PCMTD1: variants seen among roughly 807,000 people sequenced by gnomAD.
The protein encoded by PCMTD1 is protein-L-isoaspartate (D-aspartate) O-methyltransferase domain containing 1, also known as protein-L-isoaspartate O-methyltransferase domain-containing protein 1.
A neutral mutation model predicts 37.6 loss-of-function variants in PCMTD1; 12 were observed. That is an observed-to-expected ratio of 0.32 (90% CI 0.20 to 0.52). PCMTD1 has a LOEUF of 0.52. PCMTD1 is among the 20% of genes least tolerant of loss of function. The probability of loss-of-function intolerance (pLI) is 0.97; values close to 1 mark genes in which losing one functional copy is unlikely to be tolerated. For synonymous variants in PCMTD1, 117 were observed against 135.8 expected, an observed-to-expected ratio of 0.86 and a Z score of 0.96; for missense variants, 235 against 421.3, an observed-to-expected ratio of 0.56 and a Z score of 3.87.
chr8:51,833,624 T>C lies in PCMTD1; in HGVS notation c.476A>G (p.Gln159Arg), dbSNP rs376514977. Residue 159 changes from glutamine to arginine, a missense_variant, in exon 4 of 6, where the codon CAG becomes CGG. This residue lies in a region of PCMTD1 where 183 missense variants were observed against 349.3 expected (regional missense o/e 0.52). Transcript: ENST00000522514. ...AGCTCCACAATAAATTCGATCATACTGATGACTGTCAGAAGCTATCTGGAG... is the reference window on the plus strand; with the variant it reads ...AGCTCCACAATAAATTCGATCATACCGATGACTGTCAGAAGCTATCTGGAG... ...NCLQIASDSH[Q>R]YDRIYCGAGV... The C allele has an allele frequency of 2.5e-6, 4 of 1,612,442 alleles. No individual in the cohort carries two copies. The highest frequency in any genetic ancestry group is 1.3e-5 in the African/African-American group (1 of 74,896).
chr8:51,897,523 TAAA>T (rs942377828), intron 1 of PCMTD1, among the ~76,000 whole-genome samples: 2 of 151,990 alleles, frequency 1.3e-5, no homozygotes, highest in Non-Finnish European at 1.5e-5. Flanking sequence ...AAAAATGAAA[TAAA>T]AAAAACCAAA....
chr8:51,878,654 T>C (rs74738864), intron 1 of PCMTD1, among the ~76,000 whole-genome samples: 18,120 of 151,732 alleles, frequency 0.12, 1,340 homozygotes, highest in East Asian at 0.17. Flanking sequence ...GAAATGGAGG[T>C]AGGATGATCC....
intron 2 of PCMTD1, among the ~76,000 whole-genome samples, chr8:51,848,026 A>G (rs1434992340): frequency 6.6e-6 from 1 of 152,100 alleles, no homozygotes; most frequent in Non-Finnish European, 1.5e-5. Flanking sequence ...AGCTGCAGTG[A>G]GTTAGTTGTG....
chr8:51,824,136 C>T (rs1440057166), intron 5 of PCMTD1, among the ~76,000 whole-genome samples: 1 of 152,148 alleles, frequency 6.6e-6, no homozygotes, highest in South Asian at 2.1e-4. Context: ...AAAACCAGCA[C>T]AAGACAAGGA....
At chr8:51,826,451 C>T (rs1416763325) in intron 5 of PCMTD1, among the ~76,000 whole-genome samples, 1 of 152,088 alleles carries the variant, frequency 6.6e-6, no homozygotes, top group East Asian at 1.9e-4. Flanking sequence ...AGCAAACCAC[C>T]ATGGCACATG....
chr8:51,899,084 G>C (rs1206781143), upstream of PCMTD1: 1 of 1,489,742 alleles, frequency 6.7e-7, no homozygotes. Context: ...GAGCCTCCCG[G>C]ACTCCGGAGC....
intron 5 of PCMTD1, among the ~76,000 whole-genome samples, 197 bp downstream of exon 5, chr8:51,831,247 G>A (rs547587270): frequency 2.0e-5 from 3 of 150,632 alleles, no homozygotes; most frequent in Admixed American, 2.0e-4. Flanking sequence ...GCTGTGAGCC[G>A]ACATGGCACC....
At chr8:51,832,116 A>G (rs2038006547) in intron 4 of PCMTD1, among the ~76,000 whole-genome samples, 1 of 152,222 alleles carries the variant, frequency 6.6e-6, no homozygotes, top group Admixed American at 6.5e-5. Context: ...CTCAATACAC[A>G]TCTTGTTCAA....
At chr8:51,898,881 G>T (rs2039052526) in intron 1 of PCMTD1, 49 bp downstream of exon 1, 16 of 1,260,544 alleles carry the variant, frequency 1.3e-5, no homozygotes, top group South Asian at 3.0e-5. Context: ...CCTAGCACGC[G>T]GGACTCGCAC....
intron 1 of PCMTD1, among the ~76,000 whole-genome samples, chr8:51,869,641 C>G (rs1033028830): frequency 2.5e-4 from 38 of 152,076 alleles, no homozygotes; most frequent in Middle Eastern, 3.4e-3. Context: ...TAGGAGTGTT[C>G]AAGTCCTGCA....
rs977937826 is a variant in PCMTD1, at chr8:51,818,969, T to C, written c.*1382A>G. 3 of 152,236 alleles carry C rather than the reference T, an allele frequency of 2.0e-5. No homozygotes were observed. Among genetic ancestry groups the C allele is most frequent in the Non-Finnish European group, 4.4e-5 (3 of 68,044 alleles). 9.4% of individuals were successfully genotyped at this position (152,236 alleles called of 1,614,324 possible). On this transcript the variant is annotated 3_prime_UTR_variant, in exon 6 of 6. Transcript: ENST00000522514. ...CTCTCAAATTTTTCCCTTTAAGAAA[T>C]ATATAATCCATGTAACTCTAGCAAA...
chr8:51,891,669 AC>A (rs1303405896), intron 1 of PCMTD1, among the ~76,000 whole-genome samples: 6 of 135,952 alleles, frequency 4.4e-5, no homozygotes, highest in African/African-American at 1.5e-4. Context: ...AAAAAAAAAA[AC>A]AAAAAATATA....
At chr8:51,840,965 A>G (rs2038139380) in intron 3 of PCMTD1, among the ~76,000 whole-genome samples, 1 of 152,170 alleles carries the variant, frequency 6.6e-6, no homozygotes, top group South Asian at 2.1e-4. Flanking sequence ...AATTATGAAA[A>G]TAAAAGTACT....
At chr8:51,852,078 A>T (rs2038316631) in intron 2 of PCMTD1, among the ~76,000 whole-genome samples, 1 of 152,208 alleles carries the variant, frequency 6.6e-6, no homozygotes, top group Non-Finnish European at 1.5e-5. Flanking sequence ...TCACATAAAT[A>T]CTCAATAAAT....
chr8:51,876,014 A>G (rs536690639), intron 1 of PCMTD1, among the ~76,000 whole-genome samples: 3 of 152,322 alleles, frequency 2.0e-5, no homozygotes, highest in East Asian at 3.9e-4. Flanking sequence ...TATCACTATT[A>G]TATCATTACT....
chr8:51,824,920 C>T (rs184709593), intron 5 of PCMTD1, among the ~76,000 whole-genome samples: 246 of 152,232 alleles, frequency 1.6e-3, no homozygotes, highest in African/African-American at 5.4e-3. Flanking sequence ...CTTTGACAAA[C>T]CTGACAAAAA....
At chr8:51,898,162 C>CTTGTGAT (rs1351531731) in intron 1 of PCMTD1, among the ~76,000 whole-genome samples, 2 of 97,286 alleles carry the variant, frequency 2.1e-5, no homozygotes, top group Non-Finnish European at 5.8e-5. Flanking sequence ...GTAGCAAATT[C>CTTGTGAT]TTCTGATTTG....
intron 4 of PCMTD1, among the ~76,000 whole-genome samples, chr8:51,833,080 A>G (rs947820314): frequency 1.3e-5 from 2 of 152,196 alleles, no homozygotes; most frequent in Non-Finnish European, 2.9e-5. Context: ...CCTGGGCTCA[A>G]GCGATCTGCC....
At chr8:51,865,719 C>T (rs762669155) in intron 1 of PCMTD1, among the ~76,000 whole-genome samples, 11 of 151,860 alleles carry the variant, frequency 7.2e-5, no homozygotes, top group Non-Finnish European at 1.5e-4. Context: ...AACAAACATA[C>T]TCAATGATGA....
Sources: gnomAD v4.1 joint callset for allele counts (sites outside exome capture counted in the v4.1 genomes callset) on GRCh38, gnomAD v4.1.1 for gene constraint, gnomAD v4.1.1 regional missense constraint, MANE v1.5 for transcripts, NCBI Gene and HGNC (gene_info 2026-07-23, HGNC 2026-07-21) for gene names.